Variants in WWOX observed in about 807,000 individuals in gnomAD.
The protein encoded by WWOX is WW domain-containing oxidoreductase.
Under a neutral mutation model 46.2 loss-of-function variants are expected in WWOX, and 69 were observed. The observed-to-expected ratio is 1.49, with a 90% confidence interval of 1.23 to 1.82. The LOEUF is 1.82. WWOX is among the 40% of genes most tolerant of loss of function. WWOX has a pLI of 0.00. For synonymous variants in WWOX, 359 were observed against 202.6 expected (o/e 1.77, Z -6.56); for missense variants, 919 against 542.6 (o/e 1.69, Z -6.89).
At chr16:78,260,260 T>G (rs1042901028) in intron 5 of WWOX, among the ~76,000 whole-genome samples, 11 of 151,490 alleles carry the variant, frequency 7.3e-5, no homozygotes, top group Admixed American at 3.3e-4. Flanking sequence ...GGGGCCTGAT[T>G]GTTAAAAGAG....
At chr16:78,302,367 A>G (rs1166086286) in intron 5 of WWOX, among the ~76,000 whole-genome samples, 1 of 152,122 alleles carries the variant, frequency 6.6e-6, no homozygotes, top group Non-Finnish European at 1.5e-5. Context: ...ACTAACTCCC[A>G]GAAGTTGCCT....
chr16:79,139,064 C>T (rs1370908315), intron 8 of WWOX, among the ~76,000 whole-genome samples: 2 of 152,172 alleles, frequency 1.3e-5, no homozygotes, highest in East Asian at 3.9e-4. Context: ...CCCCCCTCAG[C>T]GTTCACACAT....
chr16:78,984,730 T>A (rs992879764), intron 8 of WWOX, among the ~76,000 whole-genome samples: 1 of 152,210 alleles, frequency 6.6e-6, no homozygotes, highest in African/African-American at 2.4e-5. Flanking sequence ...TACCGTTTAG[T>A]TAGAAGTGGT....
At chr16:78,983,982 A>G (rs933953532) in intron 8 of WWOX, among the ~76,000 whole-genome samples, 1 of 142,378 alleles carries the variant, frequency 7.0e-6, no homozygotes, top group African/African-American at 2.6e-5. Context: ...GGTTCACGCT[A>G]TTCTCCTGCC....
At position 78,133,552 on chromosome 16, in the gene WWOX, T is replaced by C. The variant is rs2033682745; in HGVS notation, c.409+18398T>C. On this transcript the variant is annotated intron_variant, in intron 4 of 8. Transcript: ENST00000566780. ...CTGGGATTACAGGCTCACGCCACCA[T>C]GCCTAGCTGATTTTTGTATTTTTAG... is the stretch of plus-strand genomic sequence containing the variant. Among the ~76,000 whole-genome samples the C allele has an allele frequency of 2.6e-5, 4 of 152,120 alleles. No homozygotes were observed. In the South Asian group the frequency reaches 8.3e-4, roughly 32 times the overall value.
At chr16:79,076,157 A>G (rs1322990005) in intron 8 of WWOX, among the ~76,000 whole-genome samples, 1 of 152,348 alleles carries the variant, frequency 6.6e-6, no homozygotes, top group South Asian at 2.1e-4. Context: ...TCAAAGGAAT[A>G]TTATGAGGCA....
chr16:78,850,144 G>T (rs1454846281), intron 8 of WWOX, among the ~76,000 whole-genome samples: 1 of 151,760 alleles, frequency 6.6e-6, no homozygotes, highest in Non-Finnish European at 1.5e-5. Context: ...ACCAGTTTCT[G>T]TGTGTGTGAG....
At chr16:79,044,628 T>G (rs1042595415) in intron 8 of WWOX, among the ~76,000 whole-genome samples, 16 of 152,234 alleles carry the variant, frequency 1.1e-4, no homozygotes, top group Admixed American at 8.5e-4. Context: ...CCTGTGGAAC[T>G]ATGAGCCAAT....
chr16:78,435,623 C>T (rs2083318194), intron 8 of WWOX, among the ~76,000 whole-genome samples: 2 of 152,130 alleles, frequency 1.3e-5, no homozygotes, highest in Non-Finnish European at 2.9e-5. Flanking sequence ...AGAAAGGGCA[C>T]TGGACGTGAG....
chr16:78,839,591 C>G (rs1033906855), intron 8 of WWOX, among the ~76,000 whole-genome samples: 1 of 152,184 alleles, frequency 6.6e-6, no homozygotes, highest in African/African-American at 2.4e-5. Flanking sequence ...TGAACTGCAT[C>G]CCAGCCTGTC....
intron 8 of WWOX, among the ~76,000 whole-genome samples, chr16:78,657,731 A>G (rs1281261827): frequency 1.3e-5 from 2 of 152,142 alleles, no homozygotes; most frequent in Admixed American, 1.3e-4. Flanking sequence ...AGGTGGCGCA[A>G]ATAACTGCTT....
At chr16:78,471,680 A>G (rs1567592652) in intron 8 of WWOX, among the ~76,000 whole-genome samples, 2 of 152,076 alleles carry the variant, frequency 1.3e-5, no homozygotes, top group African/African-American at 4.8e-5. Flanking sequence ...GAAAATCTTT[A>G]TTTGGGCCAC....
In WWOX at chr16:78,382,441, A is replaced by G. The variant is rs559082483; in HGVS notation, c.517-4419A>G. On this transcript the variant is annotated intron_variant, in intron 5 of 8. Coordinates refer to ENST00000566780, the MANE Select transcript of WWOX (RefSeq NM_016373.4). ...GGTGAGCTGGGCCCACTGACCTACA[A>G]TGAGTGTGAAGTGTGAGCAAGTCAT... 3.3e-5 allele frequency among the ~76,000 whole-genome samples: 5 copies of G among 152,284 alleles called. No individual in the cohort carries two copies. In the East Asian group the frequency reaches 7.7e-4, roughly 24 times the overall value.
At chr16:79,028,465 G>A (rs1280747786) in intron 8 of WWOX, among the ~76,000 whole-genome samples, 1 of 151,702 alleles carries the variant, frequency 6.6e-6, no homozygotes, top group African/African-American at 2.4e-5. Flanking sequence ...CTGAAGAGTT[G>A]ATAAAAAAGC....
At chr16:79,191,972 T>C (rs367547975) in intron 8 of WWOX, among the ~76,000 whole-genome samples, 8 of 152,186 alleles carry the variant, frequency 5.3e-5, no homozygotes, top group Non-Finnish European at 1.0e-4. Context: ...AAGCTAAAAA[T>C]GGCTTAAAAT....
chr16:78,674,549 T>C (rs575629279), intron 8 of WWOX, among the ~76,000 whole-genome samples: 4 of 152,312 alleles, frequency 2.6e-5, no homozygotes, highest in Non-Finnish European at 5.9e-5. Context: ...CCTCCCAAAG[T>C]GCTGAGATTA....
chr16:78,550,231 C>G (rs751666550), intron 8 of WWOX, among the ~76,000 whole-genome samples: 93 of 152,174 alleles, frequency 6.1e-4, no homozygotes, highest in Non-Finnish European at 1.1e-3. Context: ...ACAAAGCAAA[C>G]CCAATTATTT....
intron 8 of WWOX, among the ~76,000 whole-genome samples, chr16:78,744,657 C>A (rs887467184): frequency 6.6e-6 from 1 of 152,066 alleles, no homozygotes; most frequent in Non-Finnish European, 1.5e-5. Flanking sequence ...GTCTTGAATT[C>A]TTGACCTTAA....
intron 8 of WWOX, among the ~76,000 whole-genome samples, chr16:79,144,863 CTAT>C (rs1296152868): frequency 1.3e-5 from 2 of 152,138 alleles, no homozygotes; most frequent in Admixed American, 1.3e-4. Context: ...TATAATTGTT[CTAT>C]TATTGTTGCT....
Sources: allele counts gnomAD v4.1 joint callset (sites outside exome capture counted in the v4.1 genomes callset), GRCh38; gene constraint gnomAD v4.1.1; transcripts MANE v1.5; gene names NCBI Gene and HGNC (gene_info 2026-07-23, HGNC 2026-07-21).